PKNOX2: variants seen among roughly 807,000 people sequenced by gnomAD.
The protein encoded by PKNOX2 is PBX/knotted 1 homeobox 2.
A neutral mutation model predicts 53.1 loss-of-function variants in PKNOX2; 14 were observed. The ratio of observed to expected loss-of-function variants is 0.26; its 90% CI spans 0.17 to 0.41. The LOEUF (loss-of-function observed/expected upper bound fraction) is 0.41. Among genes scored for constraint, PKNOX2 ranks in the 10% least tolerant of loss-of-function variants. The pLI is 1.00. For missense variants in PKNOX2, 496 were observed against 602.8 expected (o/e 0.82, Z 1.85); for synonymous variants, 257 against 242.8 (o/e 1.06, Z -0.54).
rs1195596600 is a variant in PKNOX2 at position 125,165,377 on chromosome 11, G to A, written c.-201+601G>A. On this transcript the variant is annotated intron_variant, in intron 1 of 12. Transcript: ENST00000298282. This position sits in a 1 kb window ranked among gnomAD's most constrained non-coding sequence, Gnocchi z 4.5. ...CCGGCCGGGCGCTCCGCGGGGAGAG[G>A]CTGGGAACCGCGGGCAGGCTCCAGG... Among the ~76,000 whole-genome samples the A allele has an allele frequency of 6.6e-6, 1 of 152,122 alleles. No homozygotes were observed.
In PKNOX2 at chr11:125,331,876, G is replaced by T. The variant is rs1208374542; in HGVS notation, c.-72G>T. 6.6e-6 allele frequency: 1 copy of T among 152,252 alleles called. No homozygotes were observed. Among genetic ancestry groups the T allele is most frequent in the Non-Finnish European group, 1.5e-5 (1 of 68,100 alleles). 9.4% of individuals were successfully genotyped at this position (152,252 alleles called of 1,614,324 possible). A position where few individuals can be genotyped will look rare whatever the true frequency, so the allele number is the denominator to read the frequency against. ...TGGCCCAGCTGGAAGTAGAAAGAGGGGAGTGAGTCTCCTGAGGACCATCTC... is the reference window on the plus strand; with the variant it reads ...TGGCCCAGCTGGAAGTAGAAAGAGGTGAGTGAGTCTCCTGAGGACCATCTC... On this transcript the variant is annotated 5_prime_UTR_variant, in exon 3 of 13. Transcript: ENST00000298282.
At chr11:125,315,310 A>G (rs1322320107) in intron 2 of PKNOX2, among the ~76,000 whole-genome samples, 1 of 139,842 alleles carries the variant, frequency 7.2e-6, no homozygotes, top group Non-Finnish European at 1.5e-5. Flanking sequence ...CAGGAAAAAA[A>G]AAAAAAAAAA....
chr11:125,372,191 G>A (rs779532658), intron 5 of PKNOX2, among the ~76,000 whole-genome samples: 1 of 152,142 alleles, frequency 6.6e-6, no homozygotes, highest in African/African-American at 2.4e-5. Flanking sequence ...CTCTCGAGGC[G>A]GGGAAGGGGA....
intron 2 of PKNOX2, among the ~76,000 whole-genome samples, chr11:125,302,618 G>T (rs918497000): frequency 1.3e-5 from 2 of 152,194 alleles, no homozygotes; most frequent in Non-Finnish European, 2.9e-5. Flanking sequence ...AGTATTGGGG[G>T]TGTTTAAAAC....
chr11:125,198,855 T>C (rs1240097390), intron 1 of PKNOX2, among the ~76,000 whole-genome samples: 2 of 149,940 alleles, frequency 1.3e-5, no homozygotes, highest in Non-Finnish European at 3.0e-5. Context: ...TTTTTTTTTT[T>C]CTGAGACAGA....
intron 1 of PKNOX2, among the ~76,000 whole-genome samples, chr11:125,207,325 G>A (rs565276825): frequency 1.3e-5 from 2 of 151,602 alleles, no homozygotes; most frequent in Admixed American, 1.3e-4. Context: ...AGCTGGAGAC[G>A]TCTAGCAGGA....
intron 6 of PKNOX2, 76 bp from the exon 7 acceptor site, chr11:125,397,797 TG>T: frequency 7.1e-7 from 1 of 1,411,870 alleles, no homozygotes; most frequent in Non-Finnish European, 9.7e-7. Context: ...TCCCCTGGGG[TG>T]GTGGGGGCTG....
intron 2 of PKNOX2, among the ~76,000 whole-genome samples, chr11:125,270,809 G>A (rs922203391): frequency 1.3e-5 from 2 of 152,174 alleles, no homozygotes; most frequent in African/African-American, 4.8e-5. Context: ...GATGGCGGGA[G>A]GAAACTTGGA....
chr11:125,176,009 C>T (rs145307073), intron 1 of PKNOX2, among the ~76,000 whole-genome samples: 17 of 152,274 alleles, frequency 1.1e-4, no homozygotes, highest in Non-Finnish European at 2.1e-4. Flanking sequence ...TCACTCACAG[C>T]GTGATGACAG....
chr11:125,277,988 G>A (rs1330820965), intron 2 of PKNOX2, among the ~76,000 whole-genome samples: 1 of 152,026 alleles, frequency 6.6e-6, no homozygotes, highest in East Asian at 1.9e-4. Flanking sequence ...AGGCTGAGGC[G>A]GGAGGATCTC....
chr11:125,371,887 G>C (rs901095634), intron 5 of PKNOX2, among the ~76,000 whole-genome samples: 1 of 152,146 alleles, frequency 6.6e-6, no homozygotes. Flanking sequence ...TAGAGGGTGA[G>C]GTGGCTTCCG....
intron 2 of PKNOX2, among the ~76,000 whole-genome samples, chr11:125,254,288 C>T (rs1018241589): frequency 6.6e-6 from 1 of 152,238 alleles, no homozygotes; most frequent in Non-Finnish European, 1.5e-5. Context: ...GCACTGATGG[C>T]CATTTGCCAG....
intron 2 of PKNOX2, among the ~76,000 whole-genome samples, chr11:125,327,828 A>G (rs1050702731): frequency 1.3e-5 from 2 of 152,182 alleles, no homozygotes; most frequent in Admixed American, 1.3e-4. Context: ...CAGTTCTGGG[A>G]AGGAGAATTC....
At chr11:125,425,109 A>G (rs1956345726) in intron 10 of PKNOX2, among the ~76,000 whole-genome samples, 1 of 152,166 alleles carries the variant, frequency 6.6e-6, no homozygotes, top group Non-Finnish European at 1.5e-5. Context: ...GAGTGAGTCA[A>G]TGGAGCACAC....
intron 6 of PKNOX2, among the ~76,000 whole-genome samples, chr11:125,392,870 A>G (rs1326406434): frequency 6.6e-6 from 1 of 152,056 alleles, no homozygotes; most frequent in Non-Finnish European, 1.5e-5. Context: ...TAGAAAAGAG[A>G]AAGTTTGGCC....
At chr11:125,173,657 G>A (rs537200305) in intron 1 of PKNOX2, among the ~76,000 whole-genome samples, 2 of 152,350 alleles carry the variant, frequency 1.3e-5, no homozygotes, top group East Asian at 3.9e-4. Context: ...GGGGCTGGGA[G>A]GGCCCGCACT....
chr11:125,369,747 C>A (rs1591545256), intron 5 of PKNOX2, among the ~76,000 whole-genome samples: 2 of 152,280 alleles, frequency 1.3e-5, no homozygotes, highest in Admixed American at 1.3e-4. Context: ...TGCACAGACA[C>A]CTGTAATTAA....
chr11:125,193,062 T>C (rs1956975234), intron 1 of PKNOX2, among the ~76,000 whole-genome samples: 1 of 152,206 alleles, frequency 6.6e-6, no homozygotes, highest in Non-Finnish European at 1.5e-5. Flanking sequence ...GGCTCTGCCA[T>C]TGAGTTTGAG....
chr11:125,191,221 A>C (rs1956858623), intron 1 of PKNOX2: 1 of 152,216 alleles, frequency 6.6e-6, no homozygotes, highest in Non-Finnish European at 1.5e-5. Flanking sequence ...GCCCAAAGAG[A>C]CCCAGCTAAT....
Sources: allele counts gnomAD v4.1 joint callset (sites outside exome capture counted in the v4.1 genomes callset), GRCh38; gene constraint gnomAD v4.1.1; non-coding constraint Gnocchi (gnomAD v3.1); transcripts MANE v1.5; gene names NCBI Gene and HGNC (gene_info 2026-07-23, HGNC 2026-07-21).